PKD2L1: variants seen among roughly 807,000 people sequenced by gnomAD.
The protein encoded by PKD2L1 is polycystin-2-like protein 1.
Under a neutral mutation model 93.0 loss-of-function variants are expected in PKD2L1, and 77 were observed. That is an observed-to-expected ratio of 0.83 (90% CI 0.69 to 1.00). The LOEUF (loss-of-function observed/expected upper bound fraction) is 1.00, where lower values mean the gene tolerates loss of function less well. Among genes scored for constraint, PKD2L1 ranks in the 50% least tolerant of loss-of-function variants. PKD2L1 has a pLI of 0.00. For missense variants in PKD2L1, 977 were observed against 990.9 expected, an observed-to-expected ratio of 0.99 and a Z score of 0.19; for synonymous variants, 390 against 388.0, an observed-to-expected ratio of 1.01 and a Z score of -0.06.
At chr10:100,305,773 GC>G (rs959163956) in intron 2 of PKD2L1, among the ~76,000 whole-genome samples, 25 of 152,178 alleles carry the variant, frequency 1.6e-4, no homozygotes, top group African/African-American at 4.6e-4. Flanking sequence ...GGCAGAGGAA[GC>G]CCAGGGTTGT....
chr10:100,294,451 A>T (rs1848473708), intron 9 of PKD2L1, 84 bp downstream of exon 9: 2 of 1,448,840 alleles, frequency 1.4e-6, no homozygotes, highest in Non-Finnish European at 9.7e-7. Flanking sequence ...TGAGAAACTT[A>T]TCAATCCTGA....
rs750455249 is a variant in PKD2L1, at chr10:100,291,272, C to T, written c.2007+29G>A. ...GGAGAGGGTGAGCTATTTCCTTACA[C>T]TGCCTCTCCACCCATCAGCCCAGCT... is the stretch of plus-strand genomic sequence containing the variant. On this transcript the variant is annotated intron_variant, in intron 12 of 15. Transcript: ENST00000318222. The T allele has an allele frequency of 5.0e-6, 8 of 1,606,222 alleles. No individual in the cohort carries two copies. In the South Asian group the frequency reaches 7.8e-5, roughly 16 times the overall value.
rs538760567 is a variant in PKD2L1, at chr10:100,305,779, G to A, written c.350-6061C>T. On this transcript the variant is annotated intron_variant, in intron 2 of 15. Coordinates refer to ENST00000318222, the MANE Select transcript of PKD2L1 (RefSeq NM_016112.3). ...TAAAAGCAGGGCAGAGGAAGCCCAG[G>A]GTTGTACATGGGGTGATGATTTGGC... Among the ~76,000 whole-genome samples the A allele has an allele frequency of 2.1e-4, 32 of 152,240 alleles. 1 individual carries two copies. The South Asian group carries it at 6.2e-3, about 30-fold the overall frequency.
intron 2 of PKD2L1, among the ~76,000 whole-genome samples, chr10:100,321,389 G>C (rs565277867): frequency 1.3e-5 from 2 of 151,962 alleles, no homozygotes; most frequent in Admixed American, 6.6e-5. Flanking sequence ...GAATCCAGGA[G>C]GCAGAAGTTG....
Position 100,288,334 on chromosome 10 carries a change from G to T in PKD2L1, c.*62C>A. The T allele has an allele frequency of 9.5e-7, 1 of 1,050,386 alleles. No individual in the cohort carries two copies. Among genetic ancestry groups the T allele is most frequent in the Non-Finnish European group, 1.5e-6 (1 of 667,374 alleles). The allele number at this position is 1,050,386 out of a possible 1,614,324, so 65.1% of individuals were successfully genotyped here. ...GCCCACTCAGTTTCCAGGTTCAGTG[G>T]ACCAGGAGGCAGCCTCTTGCAGAAG... On this transcript the variant is annotated 3_prime_UTR_variant, in exon 16 of 16. Transcript: ENST00000318222.
chr10:100,299,162 G>T (rs945471353), intron 3 of PKD2L1, among the ~76,000 whole-genome samples: 1 of 152,060 alleles, frequency 6.6e-6, no homozygotes, highest in Non-Finnish European at 1.5e-5. Context: ...TCACCATGTT[G>T]TCCAGGCTGG....
In PKD2L1 at chr10:100,293,087, T is replaced by C; in HGVS notation, c.1759-18A>G. The C allele has an allele frequency of 6.2e-7, 1 of 1,612,096 alleles. No individual in the cohort carries two copies. The highest frequency in any genetic ancestry group is 8.5e-7 in the Non-Finnish European group (1 of 1,178,922). ...TTGTAGCCCTGAAAGGGAAAGGAAATAGGCACAAGTTCTCACAGGCTGCTC... is the reference window on the plus strand; with the variant it reads ...TTGTAGCCCTGAAAGGGAAAGGAAACAGGCACAAGTTCTCACAGGCTGCTC... On this transcript the variant is annotated intron_variant, in intron 10 of 15. Coordinates refer to ENST00000318222, the MANE Select transcript of PKD2L1 (RefSeq NM_016112.3).
intron 5 of PKD2L1, 63 bp from the exon 6 acceptor site, chr10:100,297,271 C>A: frequency 6.4e-7 from 1 of 1,551,090 alleles, no homozygotes; most frequent in Non-Finnish European, 8.9e-7. Flanking sequence ...CTCCCACTTC[C>A]TCTCCTCTCC....
rs745318706 is a variant in PKD2L1 at position 100,291,324 on chromosome 10, G to C, written c.1984C>G (p.Arg662Gly). ...ILDEKEQEKM[R>G]QDLEEERVAL... ...ACCCTCTCTTCCTCCAGGTCCTGTCGCATTTTTTCCTGTTCCTTCTCATCC... is the reference window on the plus strand; with the variant it reads ...ACCCTCTCTTCCTCCAGGTCCTGTCCCATTTTTTCCTGTTCCTTCTCATCC... Residue 662 changes from arginine (R) to glycine (G), a missense_variant, in exon 12 of 16, where the codon CGA becomes GGA. Physicochemically the swap from Arg to Gly is moderately radical, Grantham distance 125. Transcript: ENST00000318222. 1.2e-6 allele frequency: 2 copies of C among 1,613,766 alleles called. No individual in the cohort carries two copies. The highest frequency in any genetic ancestry group is 3.3e-5 in the Admixed American group (2 of 59,994).
Position 100,297,343 on chromosome 10 carries a change from G to A in PKD2L1, c.956+39C>T, listed in dbSNP as rs770425339. ...CATGCACAAGAGACGGGAACCAGGA[G>A]CCATGGACAGGGTGATAAAGTAGGG... On this transcript the variant is annotated intron_variant, in intron 5 of 15. Transcript: ENST00000318222. 4.5e-6 allele frequency: 7 copies of A among 1,565,616 alleles called. No homozygotes were observed. In the South Asian group the frequency reaches 5.6e-5, roughly 12 times the overall value.
chr10:100,323,819 CTTTA>C lies in PKD2L1; in HGVS notation c.349+5388_349+5391del, dbSNP rs532159059. Among the ~76,000 whole-genome samples, 731 of 151,978 alleles carry C rather than the reference CTTTA, an allele frequency of 4.8e-3. 5 individuals are homozygous for C. Among genetic ancestry groups the C allele is most frequent in the Non-Finnish European group, 6.5e-3 (441 of 67,940 alleles). ...TTTTTAATACACTTTTTAAGATAAA[CTTTA>C]TTTATTTATTTATTTATTTTTTGAG... On this transcript the variant is annotated intron_variant, in intron 2 of 15. Coordinates refer to ENST00000318222, the MANE Select transcript of PKD2L1 (RefSeq NM_016112.3).
intron 2 of PKD2L1, among the ~76,000 whole-genome samples, chr10:100,314,386 C>T (rs1052650619): frequency 1.3e-5 from 2 of 151,846 alleles, no homozygotes; most frequent in East Asian, 3.9e-4. Flanking sequence ...CAGAGGTAGG[C>T]GAGAAGAAAG....
chr10:100,299,818 C>G (rs1848638844), intron 2 of PKD2L1, 100 bp from the exon 3 acceptor site: 3 of 1,037,626 alleles, frequency 2.9e-6, no homozygotes. Context: ...AAGATGGAAG[C>G]CCATCCCCCA....
intron 2 of PKD2L1, among the ~76,000 whole-genome samples, chr10:100,324,673 A>G (rs1282814490): frequency 6.6e-6 from 1 of 152,182 alleles, no homozygotes; most frequent in African/African-American, 2.4e-5. Flanking sequence ...TATGCATGTT[A>G]TCTCCAGAAG....
At chr10:100,329,099 T>A in intron 2 of PKD2L1, 112 bp downstream of exon 2, 1 of 972,894 alleles carries the variant, frequency 1.0e-6, no homozygotes, top group Non-Finnish European at 1.6e-6. Context: ...ATAGCCTGCT[T>A]ACACAGATAG....
chr10:100,317,751 A>C (rs1849132169), intron 2 of PKD2L1, among the ~76,000 whole-genome samples: 1 of 152,112 alleles, frequency 6.6e-6, no homozygotes, highest in Non-Finnish European at 1.5e-5. Context: ...AAAAGGTCTC[A>C]GGAAGCCCTA....
chr10:100,324,103 C>T (rs1264213304), intron 2 of PKD2L1, among the ~76,000 whole-genome samples: 3 of 152,234 alleles, frequency 2.0e-5, no homozygotes, highest in Non-Finnish European at 2.9e-5. Context: ...GCTGGGATTA[C>T]AGGCATGAGC....
rs757310406 is a variant in PKD2L1, at chr10:100,294,922, G to A, written c.1538+20C>T. 2 of 1,602,068 alleles carry A rather than the reference G, an allele frequency of 1.2e-6. No homozygotes were observed. The highest frequency in any genetic ancestry group is 1.7e-5 in the Admixed American group (1 of 57,914). On this transcript the variant is annotated intron_variant, in intron 8 of 15. Transcript: ENST00000318222. ...GGAGGGTGAGGGGCCAGGGAGGAGTGAAGGGGACAGGACACACACATGCAC... is the reference window on the plus strand; with the variant it reads ...GGAGGGTGAGGGGCCAGGGAGGAGTAAAGGGGACAGGACACACACATGCAC...
intron 2 of PKD2L1, among the ~76,000 whole-genome samples, chr10:100,314,131 A>G (rs1336545937): frequency 6.6e-6 from 1 of 152,186 alleles, no homozygotes; most frequent in Non-Finnish European, 1.5e-5. Flanking sequence ...CCTGCAAATA[A>G]TTTAAACAGA....
Sources: gnomAD v4.1 joint callset for allele counts (sites outside exome capture counted in the v4.1 genomes callset) on GRCh38, gnomAD v4.1.1 for gene constraint, MANE v1.5 for transcripts, NCBI Gene and HGNC (gene_info 2026-07-23, HGNC 2026-07-21) for gene names.